The following TFPI2 variants were observed in gnomAD, a reference collection of about 807,000 sequenced individuals.
TFPI2 encodes tissue factor pathway inhibitor 2, also known as placental protein 5.
In TFPI2, 23 loss-of-function variants were observed where a neutral mutation model predicts 23.1. The ratio of observed to expected loss-of-function variants is 1.00; its 90% CI spans 0.72 to 1.41. The LOEUF is 1.41. TFPI2 is among the 40% of genes most tolerant of loss of function. The pLI is 0.00. For synonymous variants in TFPI2, 119 were observed against 111.7 expected (o/e 1.07, Z -0.41); for missense variants, 291 against 299.6 (o/e 0.97, Z 0.21).
chr7:93,890,413 C>T (rs1794109689), intron 1 of TFPI2, 94 bp from the exon 2 acceptor site: 1 of 1,476,760 alleles, frequency 6.8e-7, no homozygotes, highest in African/African-American at 1.4e-5. Context: ...CTGTCCCCTT[C>T]CGAGCGGAGG....
At chr7:93,889,334 G>GTATTGTTAT in intron 2 of TFPI2, 111 bp from the exon 3 acceptor site, 1 of 1,021,820 alleles carries the variant, frequency 9.8e-7, no homozygotes, top group African/African-American at 1.6e-5. Flanking sequence ...TATTAGTGTT[G>GTATTGTTAT]GGATAGTAAA....
intron 2 of TFPI2, 80 bp from the exon 3 acceptor site, chr7:93,889,303 T>C: frequency 7.6e-7 from 1 of 1,307,538 alleles, no homozygotes; most frequent in Non-Finnish European, 1.0e-6. Context: ...TCAGCAACAT[T>C]TTGTGGGGGG....
At position 93,886,722 on chromosome 7, in the gene TFPI2, C is replaced by G; in HGVS notation, c.*98G>C. 2 of 869,014 alleles carry G rather than the reference C, an allele frequency of 2.3e-6. No individual in the cohort carries two copies. The highest frequency in any genetic ancestry group is 3.7e-5 in the South Asian group (2 of 54,082). The allele number at this position is 869,014 out of a possible 1,614,324, so 53.8% of individuals were successfully genotyped here. On this transcript the variant is annotated 3_prime_UTR_variant, in exon 5 of 5. Transcript: ENST00000222543. ...TTAATAAAAACTGGTGAATAAATCACCAATGATTTGTTTCCTCATGCTGTC... is the reference window on the plus strand; with the variant it reads ...TTAATAAAAACTGGTGAATAAATCAGCAATGATTTGTTTCCTCATGCTGTC...
At position 93,885,966 on chromosome 7, in the gene TFPI2, A is replaced by ACC. The variant is rs1793982097; in HGVS notation, c.*853_*854insGG. The ACC allele has an allele frequency of 6.6e-6, 1 of 152,066 alleles. No homozygotes were observed. Among genetic ancestry groups the ACC allele is most frequent in the African/African-American group, 2.4e-5 (1 of 41,434 alleles). The allele number at this position is 152,066 out of a possible 1,614,324, so 9.4% of individuals were successfully genotyped here. On this transcript the variant is annotated 3_prime_UTR_variant, in exon 5 of 5. Transcript: ENST00000222543. Reference sequence around the variant, plus strand: ...GGTATGACCATATTTAATCAATGATAATTTACTGGTGAAATTTAAATTATT... The same window carrying ACC: ...GGTATGACCATATTTAATCAATGATACCATTTACTGGTGAAATTTAAATTATT...
At chr7:93,888,677 A>C (rs1325463728) in intron 3 of TFPI2, among the ~76,000 whole-genome samples, 1 of 147,858 alleles carries the variant, frequency 6.8e-6, no homozygotes, top group Non-Finnish European at 1.5e-5. Context: ...AAAAAAAAAA[A>C]TTAGCTGGGC....
At chr7:93,888,790 G>A (rs537069760) in intron 3 of TFPI2, among the ~76,000 whole-genome samples, 1 of 152,214 alleles carries the variant, frequency 6.6e-6, no homozygotes, top group South Asian at 2.1e-4. Flanking sequence ...TTGTGCCACT[G>A]CACTCCAGCC....
At chr7:93,888,477 T>C (rs1043039466) in intron 3 of TFPI2, among the ~76,000 whole-genome samples, 1 of 139,196 alleles carries the variant, frequency 7.2e-6, no homozygotes, top group African/African-American at 2.7e-5. Context: ...GCTTACACGG[T>C]GACACCCCGT....
Position 93,890,264 on chromosome 7 carries a change from TAGGGCCCGGC to T in TFPI2, c.134_143del (p.Cys45TyrfsTer42). 6.2e-7 allele frequency: 1 copy of T among 1,613,774 alleles called. No homozygotes were observed. Among genetic ancestry groups the T allele is most frequent in the Non-Finnish European group, 8.5e-7 (1 of 1,179,674 alleles). ...ACCTGTCGTAGTAGTAACGGAGAAGTAGGGCCCGGCAGGGTCCGTAGTCTAGGGGCAGGAG... is the reference window on the plus strand; with the variant it reads ...ACCTGTCGTAGTAGTAACGGAGAAGTAGGGTCCGTAGTCTAGGGGCAGGAG... On this transcript the variant is annotated frameshift_variant, in exon 2 of 5. Transcript: ENST00000222543. LOFTEE classifies it high-confidence loss of function.
At chr7:93,890,513 G>A in intron 1 of TFPI2, 78 bp downstream of exon 1, 1 of 1,496,956 alleles carries the variant, frequency 6.7e-7, no homozygotes, top group Non-Finnish European at 9.0e-7. Context: ...AGGCTTGGAG[G>A]GCGCCTACAC....
intron 1 of TFPI2, 110 bp downstream of exon 1, chr7:93,890,481 C>T: frequency 7.0e-7 from 1 of 1,420,562 alleles, no homozygotes; most frequent in East Asian, 2.4e-5. Flanking sequence ...GCGGAGCGCG[C>T]GGCAGGGACC....
rs1369212220 is a variant in TFPI2 at position 93,890,265 on chromosome 7, A to C, written c.143T>G (p.Leu48Arg). The C allele has an allele frequency of 6.2e-7, 1 of 1,613,722 alleles. No homozygotes were observed. Among genetic ancestry groups the C allele is most frequent in the East Asian group, 2.2e-5 (1 of 44,866 alleles). ...LPLDYGPCRA[L>R]LLRYYYDRYT... ...CCTGTCGTAGTAGTAACGGAGAAGTAGGGCCCGGCAGGGTCCGTAGTCTAG... is the reference window on the plus strand; with the variant it reads ...CCTGTCGTAGTAGTAACGGAGAAGTCGGGCCCGGCAGGGTCCGTAGTCTAG... The change falls in exon 2 of 5, where the codon CTA (leucine) becomes CGA (arginine). Residue 48 changes from leucine (L) to arginine (R), a missense_variant. Transcript: ENST00000222543.
In TFPI2 at chr7:93,890,175, G is replaced by C. The variant is rs367633100; in HGVS notation, c.233C>G (p.Thr78Ser). Residue 78 changes from threonine (T) to serine (S), a missense_variant, in exon 2 of 5, where the codon ACC (threonine) becomes AGC (serine). Thr to Ser is a moderately conservative substitution (Grantham distance 58). Coordinates refer to ENST00000222543, the MANE Select transcript of TFPI2 (RefSeq NM_006528.4). Reference sequence around the variant, plus strand: ...GCAAGCATCGTCGCAAGCCTCCCAGGTGTAGAAATTGTTGGCGTTGCCCTC... The same window carrying C: ...GCAAGCATCGTCGCAAGCCTCCCAGCTGTAGAAATTGTTGGCGTTGCCCTC... ...GCEGNANNFYTWEACDDACWR... is the reference protein window; with the variant it reads ...GCEGNANNFYSWEACDDACWR... The C allele has an allele frequency of 3.3e-5, 54 of 1,613,098 alleles. No homozygotes were observed. The highest frequency in any genetic ancestry group is 4.2e-5 in the Non-Finnish European group (50 of 1,179,350).
Position 93,890,588 on chromosome 7 carries a change from T to A in TFPI2, c.88+3A>T. 2 of 1,613,054 alleles carry A rather than the reference T, an allele frequency of 1.2e-6. No individual in the cohort carries two copies. Among genetic ancestry groups the A allele is most frequent in the Non-Finnish European group, 1.7e-6 (2 of 1,179,670 alleles). On this transcript the variant is annotated splice_donor_region_variant and intron_variant, in intron 1 of 4. Transcript: ENST00000222543. The stretch of plus-strand genomic sequence containing the variant: ...GAGAGAAGCTCCTGGAGCGGCCAGA[T>A]ACCTGTTGGCTCCTGAGCAGCATCG...
chr7:93,888,655 GAGAA>G (rs1794061094), intron 3 of TFPI2, among the ~76,000 whole-genome samples: 1 of 136,832 alleles, frequency 7.3e-6, no homozygotes, highest in Admixed American at 7.2e-5. Flanking sequence ...GAAAGAGAAA[GAGAA>G]AGAAGAAAAA....
Position 93,886,096 on chromosome 7 carries a change from G to T in TFPI2, c.*724C>A, listed in dbSNP as rs1562777179. On this transcript the variant is annotated 3_prime_UTR_variant, in exon 5 of 5. Transcript: ENST00000222543. ...TCCTTGGTTTTTTATAAGTTTAGTG[G>T]TCTCCAACCCACAATGTCTTAGGAA... 2 of 151,868 alleles carry T rather than the reference G, an allele frequency of 1.3e-5. No individual in the cohort carries two copies. Among genetic ancestry groups the T allele is most frequent in the Non-Finnish European group, 1.5e-5 (1 of 67,886 alleles). 9.4% of individuals were successfully genotyped at this position (151,868 alleles called of 1,614,324 possible).
rs943350548 is a variant in TFPI2 at position 93,886,985 on chromosome 7, C to T, written c.632-89G>A. On this transcript the variant is annotated intron_variant, in intron 4 of 4. Coordinates refer to ENST00000222543, the MANE Select transcript of TFPI2 (RefSeq NM_006528.4). ...CTATTTCTGATAAGGTTATTGAGCT[C>T]ACTTCATCTTATTTTTAAGGACTGT... is the stretch of plus-strand genomic sequence containing the variant. 8.2e-6 allele frequency: 8 copies of T among 976,352 alleles called. No individual in the cohort carries two copies. In the African/African-American group the frequency reaches 1.0e-4, roughly 12 times the overall value. The allele number at this position is 976,352 out of a possible 1,614,324, so 60.5% of individuals were successfully genotyped here. A position where few individuals can be genotyped will look rare whatever the true frequency, so the allele number is the denominator to read the frequency against.
At position 93,885,422 on chromosome 7, in the gene TFPI2, A is replaced by T. The variant is rs1381944868; in HGVS notation, c.*1398T>A. ...GCTTTTTCTTTTTTATTTAATTTTG[A>T]TTATTAATTATGTCAAATATTTACA... On this transcript the variant is annotated 3_prime_UTR_variant, in exon 5 of 5. Coordinates refer to ENST00000222543, the MANE Select transcript of TFPI2 (RefSeq NM_006528.4). The T allele has an allele frequency of 6.6e-6, 1 of 151,878 alleles. No individual in the cohort carries two copies. The highest frequency in any genetic ancestry group is 6.6e-5 in the Admixed American group (1 of 15,250). 9.4% of individuals were successfully genotyped at this position (151,878 alleles called of 1,614,324 possible).
In TFPI2 at chr7:93,889,106, C is replaced by T; in HGVS notation, c.389G>A (p.Cys130Tyr). The T allele has an allele frequency of 6.2e-7, 1 of 1,613,082 alleles. No individual in the cohort carries two copies. Residue 130 changes from cysteine (C) to tyrosine (Y), a missense_variant, in exon 3 of 5, where the codon TGT becomes TAT. Cys to Tyr is a radical substitution (Grantham distance 194). Coordinates refer to ENST00000222543, the MANE Select transcript of TFPI2 (RefSeq NM_006528.4). Reference sequence around the variant, plus strand: ...CCTGTTCTCAATCCGGTTCCGGTGACACCCACCGGAAAAGAATTTTTCACA... The same window carrying T: ...CCTGTTCTCAATCCGGTTCCGGTGATACCCACCGGAAAAGAATTTTTCACA... ...MTCEKFFSGG[C>Y]HRNRIENRFP...
At chr7:93,887,152 T>C in intron 4 of TFPI2, 109 bp downstream of exon 4, 1 of 1,131,350 alleles carries the variant, frequency 8.8e-7, no homozygotes, top group Admixed American at 2.8e-5. Flanking sequence ...GTAGAAGTAG[T>C]CTAGAAACAG....
Sources: allele counts gnomAD v4.1 joint callset (sites outside exome capture counted in the v4.1 genomes callset), GRCh38; gene constraint gnomAD v4.1.1; transcripts MANE v1.5; gene names NCBI Gene and HGNC (gene_info 2026-07-23, HGNC 2026-07-21).